Variants in FAM13A observed in about 807,000 individuals in gnomAD.
FAM13A encodes the protein family with sequence similarity 13 member A.
In FAM13A, 76 loss-of-function variants were observed where a neutral mutation model predicts 129.6. The observed-to-expected ratio is 0.59, with a 90% CI of 0.49 to 0.71. The LOEUF (loss-of-function observed/expected upper bound fraction) is 0.71, where lower values mean the gene tolerates loss of function less well. FAM13A is among the 30% of genes least tolerant of loss of function. FAM13A has a pLI of 0.00. For missense variants in FAM13A, 1,108 were observed against 1,249.3 expected, an observed-to-expected ratio of 0.89 and a Z score of 1.70; for synonymous variants, 443 against 449.9, an observed-to-expected ratio of 0.98 and a Z score of 0.20.
At chr4:89,038,285 A>G (rs992858944) in intron 1 of FAM13A, among the ~76,000 whole-genome samples, 1 of 152,240 alleles carries the variant, frequency 6.6e-6, no homozygotes. Context: ...TTGAAAGATA[A>G]TCAGATTACA....
intron 16 of FAM13A, among the ~76,000 whole-genome samples, 176 bp from the exon 17 acceptor site, chr4:88,749,209 T>C (rs1184127905): frequency 6.6e-6 from 1 of 152,238 alleles, no homozygotes; most frequent in Non-Finnish European, 1.5e-5. Context: ...TCCTTCTTTA[T>C]ATTTGGTTAT....
At chr4:88,995,092 GCA>G (rs951010715) in intron 3 of FAM13A, among the ~76,000 whole-genome samples, 7 of 151,310 alleles carry the variant, frequency 4.6e-5, no homozygotes, top group African/African-American at 1.7e-4. Context: ...TATATTTGTT[GCA>G]CACACACACC....
At chr4:88,884,103 C>A (rs922640756) in intron 6 of FAM13A, among the ~76,000 whole-genome samples, 1 of 152,078 alleles carries the variant, frequency 6.6e-6, no homozygotes, top group East Asian at 1.9e-4. Flanking sequence ...GGTACCAATC[C>A]TATTGACACT....
chr4:88,929,426 G>A (rs982461215), intron 5 of FAM13A, among the ~76,000 whole-genome samples: 1 of 152,108 alleles, frequency 6.6e-6, no homozygotes, highest in African/African-American at 2.4e-5. Flanking sequence ...ATATCTGGAT[G>A]TCTAACTTTC....
chr4:88,806,768 G>T (rs1728646278), intron 7 of FAM13A, among the ~76,000 whole-genome samples: 1 of 152,096 alleles, frequency 6.6e-6, no homozygotes, highest in Non-Finnish European at 1.5e-5. Context: ...GAGTAAGAGG[G>T]GACAACACCT....
chr4:88,972,937 G>A (rs190483853), intron 4 of FAM13A, among the ~76,000 whole-genome samples: 1 of 152,122 alleles, frequency 6.6e-6, no homozygotes, highest in Non-Finnish European at 1.5e-5. Context: ...ATTTTATAGG[G>A]TACAACGTTC....
chr4:88,823,949 A>T (rs1002364654), intron 7 of FAM13A, among the ~76,000 whole-genome samples: 6 of 152,214 alleles, frequency 3.9e-5, no homozygotes, highest in Admixed American at 3.3e-4. Flanking sequence ...GTGTTTACAC[A>T]GTTATTTTTC....
At chr4:88,776,833 G>A (rs1014857650) in intron 11 of FAM13A, among the ~76,000 whole-genome samples, 3 of 152,078 alleles carry the variant, frequency 2.0e-5, no homozygotes, top group Non-Finnish European at 2.9e-5. Context: ...AATTAGCTGG[G>A]CACAGTGGTG....
At chr4:88,804,387 G>C (rs1172548207) in intron 8 of FAM13A, among the ~76,000 whole-genome samples, 2 of 152,162 alleles carry the variant, frequency 1.3e-5, no homozygotes, top group African/African-American at 2.4e-5. Context: ...GAAGTGGGTA[G>C]GTAGTAAGAA....
At position 88,790,287 on chromosome 4, in the gene FAM13A, A is replaced by C. The variant is rs927235506; in HGVS notation, c.1091+299T>G. On this transcript the variant is annotated intron_variant, in intron 9 of 23. Transcript: ENST00000264344. ...CATTATCCATTGCAAGATGCCTCCCAAAGTACATTAGACTACTTGCTAATA... is the reference window on the plus strand; with the variant it reads ...CATTATCCATTGCAAGATGCCTCCCCAAGTACATTAGACTACTTGCTAATA... Among the ~76,000 whole-genome samples, 5 of 152,292 alleles carry C rather than the reference A, an allele frequency of 3.3e-5. No homozygotes were observed. In the East Asian group the frequency reaches 9.6e-4, roughly 29 times the overall value.
intron 14 of FAM13A, among the ~76,000 whole-genome samples, chr4:88,758,377 T>C (rs1421347426): frequency 6.6e-6 from 1 of 151,568 alleles, no homozygotes; most frequent in Non-Finnish European, 1.5e-5. Flanking sequence ...CATGCAGCAG[T>C]GGGAGGATCG....
intron 4 of FAM13A, among the ~76,000 whole-genome samples, chr4:88,978,732 T>G (rs1230244734): frequency 2.0e-5 from 3 of 151,994 alleles, no homozygotes; most frequent in African/African-American, 7.2e-5. Context: ...AGGCGGAGCT[T>G]GCAGTGAGCC....
intron 4 of FAM13A, among the ~76,000 whole-genome samples, chr4:88,973,105 A>C (rs550718405): frequency 1.6e-4 from 23 of 147,466 alleles, no homozygotes; most frequent in Non-Finnish European, 2.8e-4. Flanking sequence ...GATCTTCTGC[A>C]GTTTGAAATG....
chr4:88,825,213 T>G (rs1318745334), intron 7 of FAM13A, among the ~76,000 whole-genome samples: 1 of 93,350 alleles, frequency 1.1e-5, no homozygotes, highest in African/African-American at 6.1e-5. Flanking sequence ...CTATTCTGTG[T>G]GAATTTTTTT....
intron 1 of FAM13A, among the ~76,000 whole-genome samples, chr4:89,046,367 C>A (rs1052012777): frequency 6.6e-6 from 1 of 152,068 alleles, no homozygotes; most frequent in Non-Finnish European, 1.5e-5. Flanking sequence ...GTGGTTCAGA[C>A]GGTAGGAGAA....
chr4:88,920,457 C>G (rs1385961731), intron 5 of FAM13A, among the ~76,000 whole-genome samples: 9 of 152,316 alleles, frequency 5.9e-5, no homozygotes, highest in Non-Finnish European at 1.2e-4. Context: ...GAGTGGACCT[C>G]TAGCAAACTC....
At chr4:88,974,252 T>G (rs1760587405) in intron 4 of FAM13A, among the ~76,000 whole-genome samples, 2 of 152,164 alleles carry the variant, frequency 1.3e-5, no homozygotes, top group Non-Finnish European at 2.9e-5. Flanking sequence ...TGTTCTACCC[T>G]TCCTTGCTGG....
intron 6 of FAM13A, among the ~76,000 whole-genome samples, chr4:88,871,460 T>C: frequency 6.6e-6 from 1 of 152,182 alleles, no homozygotes; most frequent in East Asian, 1.9e-4. Flanking sequence ...AAGGACCTGA[T>C]GGAGCTGAAA....
At chr4:88,824,758 A>C (rs1252208974) in intron 7 of FAM13A, among the ~76,000 whole-genome samples, 1 of 151,862 alleles carries the variant, frequency 6.6e-6, no homozygotes, top group East Asian at 1.9e-4. Flanking sequence ...CCCAGGCTGG[A>C]GTGCTGTGGC....
Sources: allele counts gnomAD v4.1 joint callset (sites outside exome capture counted in the v4.1 genomes callset), GRCh38; gene constraint gnomAD v4.1.1; transcripts MANE v1.5; gene names NCBI Gene and HGNC (gene_info 2026-07-23, HGNC 2026-07-21).